The following TMEM25 variants were observed in gnomAD, a reference collection of about 807,000 sequenced individuals.
The protein encoded by TMEM25 is 0610039J01Rik.
In TMEM25, 36 loss-of-function variants were observed where a neutral mutation model predicts 37.0. The observed-to-expected ratio is 0.97, with a 90% CI of 0.75 to 1.28. The LOEUF is 1.28. TMEM25 is among the 50% of genes most tolerant of loss of function. The pLI is 0.00. For missense variants in TMEM25, 444 were observed against 477.9 expected, an observed-to-expected ratio of 0.93 and a Z score of 0.66; for synonymous variants, 197 against 203.7, an observed-to-expected ratio of 0.97 and a Z score of 0.28.
chr11:118,533,648 T>C (rs1308353495), intron 5 of TMEM25, 97 bp downstream of exon 5: 6 of 1,601,400 alleles, frequency 3.7e-6, no homozygotes, highest in South Asian at 1.1e-5. Flanking sequence ...TCTCTGACGG[T>C]GGCAGAGCAC....
At chr11:118,542,148 C>T (rs1424696128) in intron 8 of TMEM25, among the ~76,000 whole-genome samples, 2 of 152,134 alleles carry the variant, frequency 1.3e-5, no homozygotes, top group African/African-American at 2.4e-5. Context: ...GGGAAGTACA[C>T]GGTTGAGGGG....
downstream of TMEM25, chr11:118,547,237 T>C (rs1338229285): frequency 2.6e-5 from 4 of 152,150 alleles, no homozygotes; most frequent in African/African-American, 9.7e-5. Context: ...GAGCTTACAT[T>C]TTAGTAGGGA....
intron 8 of TMEM25, chr11:118,544,764 G>A: frequency 1.6e-6 from 1 of 625,252 alleles, no homozygotes; most frequent in South Asian, 1.9e-5. Context: ...AACATGTTCT[G>A]TGCCCTCTGG....
chr11:118,531,719 C>T, intron 1 of TMEM25, 56 bp from the exon 2 acceptor site: 3 of 1,260,948 alleles, frequency 2.4e-6, no homozygotes, highest in Non-Finnish European at 3.3e-6. Flanking sequence ...ATTCCTGGAG[C>T]AATTGCTAGG....
chr11:118,534,506 G>A lies in TMEM25; in HGVS notation c.1028-1G>A, dbSNP rs1555062083. On this transcript the variant is annotated splice_acceptor_variant, in intron 8 of 8. Coordinates refer to ENST00000313236, the MANE Select transcript of TMEM25 (RefSeq NM_032780.4). LOFTEE classifies it high-confidence loss of function. This position sits in a 1 kb window ranked among gnomAD's most constrained non-coding sequence, Gnocchi z 4.6. The stretch of plus-strand genomic sequence containing the variant: ...CCCCGCGGGCTTCTTTGATCCCGCA[G>A]GTTTCATCCGCCTCCCAGTGCTGGG... The A allele has an allele frequency of 1.2e-6, 2 of 1,614,228 alleles. No homozygotes were observed. The highest frequency in any genetic ancestry group is 1.7e-6 in the Non-Finnish European group (2 of 1,180,030).
chr11:118,531,825 C>T lies in TMEM25; in HGVS notation c.24C>T (p.Ala8=). 3 of 1,551,324 alleles carry T rather than the reference C, an allele frequency of 1.9e-6. No individual in the cohort carries two copies. The highest frequency in any genetic ancestry group is 2.4e-5 in the East Asian group (1 of 40,910). Residue 8 remains alanine, a synonymous_variant, in exon 2 of 9, where the codon GCC becomes GCT. Transcript: ENST00000313236. ...CCATGGCGCTGCCTCCAGGCCCAGC[C>T]GCCCTCCGGCACACACTGCTGCTCC... MALPPGP[A]ALRHTLLLLP...
At position 118,534,911 on chromosome 11, in the gene TMEM25, C is replaced by T; in HGVS notation, c.*331C>T. ...GATGTCATCCAGCATCCAAGTGTGG[C>T]ATGGCCTGCTGTATACCCCACCCCA... is the stretch of plus-strand genomic sequence containing the variant. On this transcript the variant is annotated 3_prime_UTR_variant, in exon 9 of 9. Coordinates refer to ENST00000313236, the MANE Select transcript of TMEM25 (RefSeq NM_032780.4). The surrounding 1 kb of genome is among the most constrained non-coding windows in gnomAD (Gnocchi z 4.6). 1 of 1,214,292 alleles carries T rather than the reference C, an allele frequency of 8.2e-7. No individual in the cohort carries two copies. Among genetic ancestry groups the T allele is most frequent in the Non-Finnish European group, 1.0e-6 (1 of 965,310 alleles). 75.2% of individuals were successfully genotyped at this position (1,214,292 alleles called of 1,614,324 possible).
chr11:118,535,753 C>G lies in TMEM25; in HGVS notation c.*1173C>G. On this transcript the variant is annotated 3_prime_UTR_variant, in exon 9 of 9. Coordinates refer to ENST00000313236, the MANE Select transcript of TMEM25 (RefSeq NM_032780.4). ...TATATTTTTCCCTTGTTGAGATCTT[C>G]TTTTGTAATGTTTTTCATGTTACTG... The G allele has an allele frequency of 7.3e-7, 1 of 1,360,576 alleles. No homozygotes were observed. Among genetic ancestry groups the G allele is most frequent in the Non-Finnish European group, 9.4e-7 (1 of 1,059,272 alleles). 84.3% of individuals were successfully genotyped at this position (1,360,576 alleles called of 1,614,324 possible).
intron 5 of TMEM25, 87 bp downstream of exon 5, chr11:118,533,638 T>C (rs555313161): frequency 6.2e-7 from 1 of 1,606,446 alleles, no homozygotes; most frequent in Middle Eastern, 1.7e-4. Context: ...GAACCAGTCA[T>C]CTCTGACGGT....
At chr11:118,537,374 C>G (rs1951524984), downstream of TMEM25, among the ~76,000 whole-genome samples, 1 of 152,056 alleles carries the variant, frequency 6.6e-6, no homozygotes, top group African/African-American at 2.4e-5. Flanking sequence ...GGGTCTCACT[C>G]TATTGCCCAG....
At chr11:118,533,599 G>A (rs781827569) in intron 5 of TMEM25, 48 bp downstream of exon 5, 61 of 1,611,896 alleles carry the variant, frequency 3.8e-5, no homozygotes, top group Non-Finnish European at 5.2e-5. Flanking sequence ...AGGCTGAGCA[G>A]CAGCCAAGAC....
rs782646518 is a variant in TMEM25, at chr11:118,534,631, C to T, written c.*51C>T. 3.2e-5 allele frequency: 52 copies of T among 1,600,156 alleles called. No homozygotes were observed. Among genetic ancestry groups the T allele is most frequent in the Non-Finnish European group, 4.3e-5 (50 of 1,170,906 alleles). ...CTTGGCCTCTGGACACCCTCCCGTTCCTCCAAGGCATCCTCTACCTAGCTA... is the reference window on the plus strand; with the variant it reads ...CTTGGCCTCTGGACACCCTCCCGTTTCTCCAAGGCATCCTCTACCTAGCTA... On this transcript the variant is annotated 3_prime_UTR_variant, in exon 9 of 9. Coordinates refer to ENST00000313236, the MANE Select transcript of TMEM25 (RefSeq NM_032780.4). The surrounding 1 kb of genome is among the most constrained non-coding windows in gnomAD (Gnocchi z 4.6).
At chr11:118,541,933 T>G (rs1223510297) in intron 8 of TMEM25, among the ~76,000 whole-genome samples, 1 of 152,152 alleles carries the variant, frequency 6.6e-6, no homozygotes, top group Non-Finnish European at 1.5e-5. Flanking sequence ...AATTTTGTAT[T>G]TTTTGTAGAG....
In TMEM25 at chr11:118,533,185, C is replaced by A; in HGVS notation, c.651C>A (p.Thr217=). ...TGGCCACCAATGACGTGGGTGTCAC[C>A]AGTGCGTCGCTTCCAGCCCCAGGTG... The part of the protein sequence containing the change: ...SVVATNDVGV[T]SASLPAPGLL... The change falls in exon 4 of 9, where the codon ACC becomes ACA. Residue 217 remains threonine (T), a synonymous_variant. Coordinates refer to ENST00000313236, the MANE Select transcript of TMEM25 (RefSeq NM_032780.4). 1.9e-6 allele frequency: 3 copies of A among 1,601,640 alleles called. No homozygotes were observed. Among genetic ancestry groups the A allele is most frequent in the Non-Finnish European group, 2.5e-6 (3 of 1,177,882 alleles).
chr11:118,531,409 G>A (rs996461969), intron 1 of TMEM25, 175 bp downstream of exon 1: 7 of 394,182 alleles, frequency 1.8e-5, no homozygotes, highest in South Asian at 3.0e-5. Flanking sequence ...GCAGGAGAGA[G>A]AATAGGATTA....
chr11:118,541,443 C>T (rs530722294), intron 8 of TMEM25, among the ~76,000 whole-genome samples: 21 of 130,628 alleles, frequency 1.6e-4, no homozygotes, highest in Non-Finnish European at 2.8e-4. Flanking sequence ...GCCTGGGTGA[C>T]AGAGCGAGAC....
At position 118,535,209 on chromosome 11, in the gene TMEM25, T is replaced by C. The variant is rs1555062638; in HGVS notation, c.*629T>C. The C allele has an allele frequency of 2.7e-6, 3 of 1,095,978 alleles. No homozygotes were observed. Among genetic ancestry groups the C allele is most frequent in the African/African-American group, 3.3e-5 (2 of 61,144 alleles). The allele number at this position is 1,095,978 out of a possible 1,614,324, so 67.9% of individuals were successfully genotyped here. On this transcript the variant is annotated 3_prime_UTR_variant, in exon 9 of 9. Transcript: ENST00000313236. Reference sequence around the variant, plus strand: ...TGTCCCCACCTCCTCTTGGGAATTCTAGGTTACACGTTGGACCTTCTCTAC... The same window carrying C: ...TGTCCCCACCTCCTCTTGGGAATTCCAGGTTACACGTTGGACCTTCTCTAC...
downstream of TMEM25, among the ~76,000 whole-genome samples, chr11:118,540,111 G>T (rs371658256): frequency 6.6e-6 from 1 of 151,588 alleles, no homozygotes; most frequent in East Asian, 2.0e-4. Flanking sequence ...TTTATCTTCT[G>T]GTTTTTGTTT....
In TMEM25 at chr11:118,535,686, A is replaced by C; in HGVS notation, c.*1106A>C. The stretch of plus-strand genomic sequence containing the variant: ...CCCAAAGTGACCTAAGAACACTTTA[A>C]AAAGCAACATGTAAATGATTGGAAA... On this transcript the variant is annotated 3_prime_UTR_variant, in exon 9 of 9. Coordinates refer to ENST00000313236, the MANE Select transcript of TMEM25 (RefSeq NM_032780.4). 6.8e-7 allele frequency: 1 copy of C among 1,469,680 alleles called. No homozygotes were observed. The allele number at this position is 1,469,680 out of a possible 1,614,324, so 91.0% of individuals were successfully genotyped here.
Sources: allele counts gnomAD v4.1 joint callset (sites outside exome capture counted in the v4.1 genomes callset), GRCh38; gene constraint gnomAD v4.1.1; non-coding constraint Gnocchi (gnomAD v3.1); transcripts MANE v1.5; gene names NCBI Gene and HGNC (gene_info 2026-07-23, HGNC 2026-07-21).